Variants in PHC2 observed in about 807,000 individuals in gnomAD.
PHC2 encodes the protein polyhomeotic-like protein 2.
Under a neutral mutation model 87.4 loss-of-function variants are expected in PHC2, and 29 were observed. The ratio of observed to expected loss-of-function variants is 0.33; its 90% CI spans 0.25 to 0.45. The LOEUF (loss-of-function observed/expected upper bound fraction) is 0.45. Among genes scored for constraint, PHC2 ranks in the 20% least tolerant of loss-of-function variants. PHC2 has a pLI of 1.00. For synonymous variants in PHC2, 438 were observed against 461.7 expected (o/e 0.95, Z 0.66); for missense variants, 857 against 1,136.7 (o/e 0.75, Z 3.54).
chr1:33,329,157 A>C lies in PHC2; in HGVS notation c.2149-11T>G, dbSNP rs1444095427. On this transcript the variant is annotated splice_polypyrimidine_tract_variant and intron_variant, in intron 13 of 14. Transcript: ENST00000683057. The stretch of plus-strand genomic sequence containing the variant: ...CACAGTGCCTGTTGGCTGGGAGCAG[A>C]GAGTTTTCTTCAGGATGGGGGAACA... 6.2e-7 allele frequency: 1 copy of C among 1,607,758 alleles called. No homozygotes were observed. Among genetic ancestry groups the C allele is most frequent in the South Asian group, 1.1e-5 (1 of 90,988 alleles).
rs1646797412 is a variant in PHC2 at position 33,344,001 on chromosome 1, T to C, written c.1559-9709A>G. On this transcript the variant is annotated intron_variant, in intron 9 of 14. Coordinates refer to ENST00000683057, the MANE Select transcript of PHC2 (RefSeq NM_001385109.1). ...CCAGATTCTCTTTCTATGCAGTTTTTTCATAAAGGGGGGTTTTAAGCAGAC... is the reference window on the plus strand; with the variant it reads ...CCAGATTCTCTTTCTATGCAGTTTTCTCATAAAGGGGGGTTTTAAGCAGAC... Among the ~76,000 whole-genome samples the C allele has an allele frequency of 2.0e-5, 3 of 152,222 alleles. 1 individual carries two copies. In the South Asian group the frequency reaches 6.2e-4, roughly 32 times the overall value.
At chr1:33,351,618 C>G (rs548442325) in intron 9 of PHC2, among the ~76,000 whole-genome samples, 1 of 152,252 alleles carries the variant, frequency 6.6e-6, no homozygotes, top group East Asian at 1.9e-4. Flanking sequence ...AGTGTGCTAC[C>G]TCCCTTCCCA....
intron 9 of PHC2, among the ~76,000 whole-genome samples, chr1:33,336,228 G>A (rs1000227414): frequency 4.0e-5 from 6 of 151,864 alleles, no homozygotes; most frequent in Non-Finnish European, 8.8e-5. Flanking sequence ...ATCTCAGGTG[G>A]TCCACCTGCC....
At chr1:33,406,626 C>T (rs1570510677) in intron 1 of PHC2, among the ~76,000 whole-genome samples, 1 of 152,280 alleles carries the variant, frequency 6.6e-6, no homozygotes, top group East Asian at 1.9e-4. Flanking sequence ...CAATCTTTGT[C>T]TTTTAATGGG....
chr1:33,398,487 T>C (rs1318307064), intron 1 of PHC2, among the ~76,000 whole-genome samples: 2 of 152,216 alleles, frequency 1.3e-5, no homozygotes, highest in Non-Finnish European at 2.9e-5. Context: ...AATGGCTGCT[T>C]TGGGTGATAG....
intron 1 of PHC2, among the ~76,000 whole-genome samples, chr1:33,407,955 G>A (rs2148387494): frequency 6.6e-6 from 1 of 152,310 alleles, no homozygotes; most frequent in East Asian, 1.9e-4. Context: ...CCCTGATCAT[G>A]TGGGTCTAGA....
chr1:33,422,573 T>G (rs775786261), intron 1 of PHC2, among the ~76,000 whole-genome samples: 2 of 152,230 alleles, frequency 1.3e-5, no homozygotes, highest in South Asian at 4.1e-4. Context: ...GGTTATACAA[T>G]GGGCCTGACC....
intron 9 of PHC2, among the ~76,000 whole-genome samples, chr1:33,342,834 G>A (rs1055152927): frequency 2.6e-5 from 4 of 152,206 alleles, no homozygotes; most frequent in African/African-American, 9.7e-5. Context: ...TCCGGCCCAT[G>A]CTATGATTTC....
intron 1 of PHC2, among the ~76,000 whole-genome samples, chr1:33,391,922 C>G (rs771809570): frequency 2.0e-5 from 3 of 152,104 alleles, no homozygotes; most frequent in Non-Finnish European, 2.9e-5. Context: ...AACTGAGGCT[C>G]TAGTGTAAGG....
intron 1 of PHC2, among the ~76,000 whole-genome samples, chr1:33,396,386 G>A (rs1271690391): frequency 1.3e-5 from 2 of 152,162 alleles, no homozygotes; most frequent in Admixed American, 6.5e-5. Context: ...GGGAAATAAT[G>A]CAGTCAAGTG....
At position 33,364,359 on chromosome 1, in the gene PHC2, GACACACACACAC is replaced by G. The variant is rs34902529; in HGVS notation, c.976+2745_976+2756del. Among the ~76,000 whole-genome samples the G allele has an allele frequency of 6.9e-6, 1 of 145,726 alleles. No individual in the cohort carries two copies. ...GCGCTCGCTTGCTTTCTCTCTCCCA[GACACACACACAC>G]ACACACACACACTTGCTTTCACACA... On this transcript the variant is annotated intron_variant, in intron 7 of 14. Coordinates refer to ENST00000683057, the MANE Select transcript of PHC2 (RefSeq NM_001385109.1). The surrounding 1 kb of genome is among the most constrained non-coding windows in gnomAD (Gnocchi z 4.1).
chr1:33,397,835 C>T (rs1007575434), intron 1 of PHC2, among the ~76,000 whole-genome samples: 1 of 152,148 alleles, frequency 6.6e-6, no homozygotes, highest in African/African-American at 2.4e-5. Context: ...TCTGCAAATG[C>T]TTGCCTGCCC....
At chr1:33,373,085 C>G (rs905690622) in intron 2 of PHC2, among the ~76,000 whole-genome samples, 2 of 151,990 alleles carry the variant, frequency 1.3e-5, no homozygotes, top group African/African-American at 2.4e-5. Flanking sequence ...ACAGAGCAGG[C>G]CAGTGCCACA....
chr1:33,402,463 G>C (rs926649066), intron 1 of PHC2, among the ~76,000 whole-genome samples: 2 of 151,920 alleles, frequency 1.3e-5, no homozygotes, highest in Non-Finnish European at 2.9e-5. Flanking sequence ...AAAAACTCTT[G>C]CACATATTCA....
At chr1:33,386,804 G>A (rs943958816) in intron 1 of PHC2, among the ~76,000 whole-genome samples, 6 of 152,068 alleles carry the variant, frequency 3.9e-5, no homozygotes, top group East Asian at 3.9e-4. Flanking sequence ...CACAGTGTGC[G>A]CACACACACC....
intron 9 of PHC2, among the ~76,000 whole-genome samples, chr1:33,336,087 C>T (rs183823734): frequency 6.6e-6 from 1 of 151,526 alleles, no homozygotes; most frequent in Non-Finnish European, 1.5e-5. Context: ...CTCTCAGGTT[C>T]AAGCGATTCT....
chr1:33,354,882 G>A lies in PHC2; in HGVS notation c.1348C>T (p.His450Tyr). The A allele has an allele frequency of 1.2e-6, 2 of 1,614,190 alleles. No homozygotes were observed. The highest frequency in any genetic ancestry group is 1.7e-6 in the Non-Finnish European group (2 of 1,180,044). ...VPHTPQRRFQ[H>Y]TSAVILQLQP... ...AGTTGTAAGATGACAGCTGAAGTGT[G>A]CTGGAACCTGCGTTGAGGGGTGTGG... The change falls in exon 8 of 15, where the codon CAC becomes TAC. Residue 450 changes from histidine to tyrosine, a missense_variant. By Grantham distance (83) the His-to-Tyr change is moderately conservative. Transcript: ENST00000683057.
chr1:33,414,237 A>C (rs56059209), intron 1 of PHC2, among the ~76,000 whole-genome samples: 14,802 of 151,104 alleles, frequency 0.098, 1,025 homozygotes, highest in East Asian at 0.28. Flanking sequence ...TTAACAGTTG[A>C]GGTTGATTTA....
chr1:33,366,646 ATTGGCAACATGATTGGCAAAT>A (rs1243319430), intron 7 of PHC2, among the ~76,000 whole-genome samples: 1 of 152,216 alleles, frequency 6.6e-6, no homozygotes, highest in Non-Finnish European at 1.5e-5. Flanking sequence ...CACACCTAGA[ATTGGCAACATGATTGGCAAAT>A]ACTAATCAAC....
Sources: gnomAD v4.1 joint callset for allele counts (sites outside exome capture counted in the v4.1 genomes callset) on GRCh38, gnomAD v4.1.1 for gene constraint, Gnocchi (gnomAD v3.1) non-coding constraint, MANE v1.5 for transcripts, NCBI Gene and HGNC (gene_info 2026-07-23, HGNC 2026-07-21) for gene names.